The following CSMD3 variants were observed in gnomAD, a reference collection of about 807,000 sequenced individuals.
CSMD3 encodes the protein CUB and sushi domain-containing protein 3.
Under a neutral mutation model 435.2 loss-of-function variants are expected in CSMD3, and 177 were observed. The observed-to-expected ratio is 0.41, with a 90% CI of 0.36 to 0.46. CSMD3 has a LOEUF of 0.46. Ranked by LOEUF, CSMD3 falls within the 20% of genes least tolerant of loss-of-function variation. The pLI is 0.34. For missense variants in CSMD3, 4,265 were observed against 4,504.6 expected, an observed-to-expected ratio of 0.95 and a Z score of 1.52; for synonymous variants, 1,656 against 1,520.5, an observed-to-expected ratio of 1.09 and a Z score of -2.07.
At chr8:113,394,645 T>C (rs2094475245) in intron 1 of CSMD3, among the ~76,000 whole-genome samples, 1 of 152,156 alleles carries the variant, frequency 6.6e-6, no homozygotes, top group South Asian at 2.1e-4. Flanking sequence ...CAAAATAGTT[T>C]ATAAAACTTT....
intron 22 of CSMD3, among the ~76,000 whole-genome samples, chr8:112,606,972 G>GAAAAAAAAAAAAAAAAAAAAAAAAAA (rs71309778): frequency 2.7e-5 from 1 of 36,644 alleles, no homozygotes; most frequent in Non-Finnish European, 4.7e-5. Context: ...CTCAAGCTAT[G>GAAAAAAAAAAAAAAAAAAAAAAAAAA]AAAAAAAAAA....
intron 3 of CSMD3, among the ~76,000 whole-genome samples, chr8:113,250,179 T>C (rs1043153110): frequency 6.6e-6 from 1 of 152,070 alleles, no homozygotes; most frequent in Admixed American, 6.6e-5. Context: ...CATCTAATCT[T>C]TTTTTACACA....
intron 4 of CSMD3, among the ~76,000 whole-genome samples, chr8:113,101,102 CAATT>C (rs1188736846): frequency 6.6e-6 from 1 of 152,114 alleles, no homozygotes; most frequent in African/African-American, 2.4e-5. Context: ...CTTTGACAGA[CAATT>C]AAAGAAAGAT....
intron 13 of CSMD3, among the ~76,000 whole-genome samples, chr8:112,799,789 G>T (rs942258137): frequency 7.9e-5 from 12 of 151,900 alleles, no homozygotes; most frequent in African/African-American, 2.9e-4. Context: ...AGGGATTTCA[G>T]ACCTTTACTG....
chr8:113,082,725 A>T (rs1370852033), intron 5 of CSMD3, among the ~76,000 whole-genome samples: 2 of 152,182 alleles, frequency 1.3e-5, no homozygotes, highest in East Asian at 3.8e-4. Flanking sequence ...ACAATTCTTA[A>T]TCTGAATGAG....
chr8:113,325,243 G>C (rs556575747), intron 1 of CSMD3, among the ~76,000 whole-genome samples: 1 of 152,222 alleles, frequency 6.6e-6, no homozygotes, highest in East Asian at 1.9e-4. Flanking sequence ...GGAGGGGCCA[G>C]GGGCAGAAAA....
At chr8:113,061,877 C>T (rs2088630001) in intron 5 of CSMD3, among the ~76,000 whole-genome samples, 1 of 151,678 alleles carries the variant, frequency 6.6e-6, no homozygotes, top group Admixed American at 6.6e-5. Context: ...GATATAGACT[C>T]AAGAACTTTT....
chr8:113,152,970 G>C (rs578056127), intron 4 of CSMD3, among the ~76,000 whole-genome samples: 21 of 127,142 alleles, frequency 1.7e-4, no homozygotes, highest in South Asian at 4.9e-4. Context: ...GACTCTTTCA[G>C]AAAAGAAAAG....
chr8:112,382,325 A>G (rs1387778471), intron 37 of CSMD3, among the ~76,000 whole-genome samples: 1 of 151,680 alleles, frequency 6.6e-6, no homozygotes, highest in Non-Finnish European at 1.5e-5. Context: ...TACTACTAAT[A>G]AAGTATTACC....
At chr8:113,405,735 AAAC>A (rs2094529816) in intron 1 of CSMD3, among the ~76,000 whole-genome samples, 1 of 151,786 alleles carries the variant, frequency 6.6e-6, no homozygotes, top group Admixed American at 6.6e-5. Flanking sequence ...AGCAAAGGAG[AAAC>A]AACAACAATA....
chr8:112,492,409 T>C, intron 31 of CSMD3, 80 bp downstream of exon 31: 1 of 1,103,714 alleles, frequency 9.1e-7, no homozygotes, highest in Non-Finnish European at 1.4e-6. Flanking sequence ...ATAGTTGATG[T>C]TCTGAAACAC....
chr8:112,550,557 C>T (rs1310916070), intron 27 of CSMD3, 114 bp downstream of exon 27: 6 of 634,488 alleles, frequency 9.5e-6, no homozygotes, highest in Admixed American at 2.7e-5. Context: ...ACTAGAAACA[C>T]GAATATTTAA....
chr8:113,068,982 A>G (rs1346870228), intron 5 of CSMD3, among the ~76,000 whole-genome samples: 2 of 152,018 alleles, frequency 1.3e-5, no homozygotes, highest in Non-Finnish European at 2.9e-5. Context: ...TAAACAGGTA[A>G]GGAAACAGTT....
chr8:113,107,045 C>T (rs961488476), intron 4 of CSMD3, among the ~76,000 whole-genome samples: 2 of 152,176 alleles, frequency 1.3e-5, no homozygotes, highest in South Asian at 4.1e-4. Context: ...ATGCTCCCTT[C>T]CCCCTGGGCC....
At chr8:112,512,425 T>C (rs927596224) in intron 28 of CSMD3, among the ~76,000 whole-genome samples, 1 of 152,218 alleles carries the variant, frequency 6.6e-6, no homozygotes, top group African/African-American at 2.4e-5. Context: ...AAAAGCTCAT[T>C]TGTACATTTT....
chr8:113,250,402 G>T (rs1030345958), intron 3 of CSMD3, among the ~76,000 whole-genome samples: 6 of 152,036 alleles, frequency 3.9e-5, no homozygotes. Flanking sequence ...AAGAAAGAGA[G>T]ATGGAGGAAA....
chr8:112,276,614 G>A (rs1818069999), intron 59 of CSMD3, among the ~76,000 whole-genome samples: 1 of 151,604 alleles, frequency 6.6e-6, no homozygotes, highest in Admixed American at 6.6e-5. Context: ...CTAGGAATTT[G>A]GTGCCCTGCA....
intron 32 of CSMD3, among the ~76,000 whole-genome samples, chr8:112,414,217 G>C (rs1279954309): frequency 6.6e-6 from 1 of 152,044 alleles, no homozygotes; most frequent in Non-Finnish European, 1.5e-5. Context: ...ATACAGTTTG[G>C]CTTCATCTTC....
At chr8:112,382,066 G>T (rs1248636573) in intron 37 of CSMD3, among the ~76,000 whole-genome samples, 1 of 151,892 alleles carries the variant, frequency 6.6e-6, no homozygotes, top group East Asian at 1.9e-4. Flanking sequence ...ATCTCTTGAG[G>T]CCATGAGTTG....
Sources: allele counts gnomAD v4.1 joint callset (sites outside exome capture counted in the v4.1 genomes callset), GRCh38; gene constraint gnomAD v4.1.1; transcripts MANE v1.5; gene names NCBI Gene and HGNC (gene_info 2026-07-23, HGNC 2026-07-21).